The following CA5A variants were observed in gnomAD, a reference collection of about 807,000 sequenced individuals.
The protein encoded by CA5A is carbonic anhydrase 5A, also known as carbonic anhydrase 5A, mitochondrial.
A neutral mutation model predicts 37.1 loss-of-function variants in CA5A; 28 were observed. That is an observed-to-expected ratio of 0.75 (90% CI 0.56 to 1.03). The LOEUF is 1.03. Among genes scored for constraint, CA5A ranks in the 50% least tolerant of loss-of-function variants. CA5A has a pLI of 0.00. For missense variants in CA5A, 444 were observed against 399.9 expected (o/e 1.11, Z -0.94); for synonymous variants, 171 against 158.4 (o/e 1.08, Z -0.60).
chr16:87,917,182 T>G (rs1197478421), intron 2 of CA5A, among the ~76,000 whole-genome samples: 1 of 151,356 alleles, frequency 6.6e-6, no homozygotes, highest in African/African-American at 2.4e-5. Flanking sequence ...ATAACAACAG[T>G]GGCTCCACTG....
chr16:87,912,971 C>A (rs1029341208), intron 2 of CA5A, among the ~76,000 whole-genome samples: 2 of 151,554 alleles, frequency 1.3e-5, no homozygotes, highest in African/African-American at 2.4e-5. Flanking sequence ...GGGGCCTTCG[C>A]CAACAAACCG....
intron 1 of CA5A, among the ~76,000 whole-genome samples, chr16:87,932,086 C>T (rs563044030): frequency 9.2e-5 from 14 of 152,148 alleles, no homozygotes; most frequent in Admixed American, 2.6e-4. Flanking sequence ...TGCACGCCAG[C>T]CTGAGCAACA....
chr16:87,902,342 A>C, intron 4 of CA5A, 83 bp downstream of exon 4: 3 of 795,122 alleles, frequency 3.8e-6, no homozygotes, highest in Non-Finnish European at 6.4e-6. Flanking sequence ...TGACACAGCG[A>C]GTCCTGTCTC....
In CA5A at chr16:87,928,943, A is replaced by AT. The variant is rs552550589; in HGVS notation, c.143-1999dup. On this transcript the variant is annotated intron_variant, in intron 1 of 6. Transcript: ENST00000649794. ...CCGCCACACCTGGCTACTTTTTTGT[A>AT]TTTTTTTCATAGAGACGGGGTTTCA... Among the ~76,000 whole-genome samples, 43 of 147,692 alleles carry AT rather than the reference A, an allele frequency of 2.9e-4. No individual in the cohort carries two copies. In the East Asian group the frequency reaches 3.9e-3, roughly 13 times the overall value.
chr16:87,901,578 C>CTTTCT (rs10650335), intron 5 of CA5A, among the ~76,000 whole-genome samples: 41,122 of 149,154 alleles, frequency 0.28, 5,991 homozygotes, highest in African/African-American at 0.37. Flanking sequence ...ATACTGATTT[C>CTTTCT]TTTCTTTTCT....
At chr16:87,932,414 C>G (rs941947664) in intron 1 of CA5A, among the ~76,000 whole-genome samples, 1 of 152,108 alleles carries the variant, frequency 6.6e-6, no homozygotes, top group African/African-American at 2.4e-5. Context: ...ACGGGCCCAC[C>G]AACAATGAAA....
Position 87,888,265 on chromosome 16 carries a change from G to A in CA5A, c.782C>T (p.Ala261Val), listed in dbSNP as rs1457571520. 14 of 1,612,890 alleles carry A rather than the reference G, an allele frequency of 8.7e-6. No individual in the cohort carries two copies. Among genetic ancestry groups the A allele is most frequent in the Admixed American group, 1.7e-5 (1 of 59,898 alleles). Residue 261 changes from alanine (A) to valine (V), a missense_variant, in exon 7 of 7, where the codon GCA (alanine) becomes GTA (valine). Coordinates refer to ENST00000649794, the MANE Select transcript of CA5A (RefSeq NM_001739.2). ...PVEVAPSQLS[A>V]FRTLLFSALG... ...TGCAGAAAACAGGAGAGTACGAAAT[G>A]CAGAGAGCTGGAATAGAGGGCAGCC...
intron 3 of CA5A, among the ~76,000 whole-genome samples, 170 bp from the exon 4 acceptor site, chr16:87,902,690 A>T (rs947243109): frequency 6.6e-6 from 1 of 151,812 alleles, no homozygotes; most frequent in African/African-American, 2.4e-5. Context: ...GTGGATCACG[A>T]GGTCAGGAGA....
intron 6 of CA5A, among the ~76,000 whole-genome samples, chr16:87,890,832 T>C (rs752611889): frequency 2.0e-5 from 3 of 152,028 alleles, no homozygotes; most frequent in Admixed American, 6.6e-5. Flanking sequence ...TTTGCTCTTG[T>C]TGTCCAGGCT....
intron 3 of CA5A, among the ~76,000 whole-genome samples, chr16:87,903,814 T>C (rs937170820): frequency 3.3e-5 from 5 of 152,284 alleles, no homozygotes; most frequent in South Asian, 2.1e-4. Flanking sequence ...TGTGATAAAG[T>C]GAATATGGCA....
chr16:87,914,532 G>A (rs540041328), intron 2 of CA5A, among the ~76,000 whole-genome samples: 10 of 152,314 alleles, frequency 6.6e-5, no homozygotes, highest in Non-Finnish European at 1.5e-4. Context: ...GGGAGGAGGA[G>A]GAGGCACAGA....
At chr16:87,903,448 T>C (rs969884950) in intron 3 of CA5A, among the ~76,000 whole-genome samples, 2 of 152,024 alleles carry the variant, frequency 1.3e-5, no homozygotes, top group African/African-American at 4.8e-5. Flanking sequence ...CAAAAACAGA[T>C]AAATAAATAA....
intron 6 of CA5A, among the ~76,000 whole-genome samples, chr16:87,890,243 C>G (rs1311726684): frequency 6.6e-6 from 1 of 152,204 alleles, no homozygotes; most frequent in Non-Finnish European, 1.5e-5. Context: ...TACCGCCCCT[C>G]CACACCTGCC....
rs2056472859 is a variant in CA5A, at chr16:87,936,466, A to T, written c.-16T>A. On this transcript the variant is annotated 5_prime_UTR_variant, in exon 1 of 7. Coordinates refer to ENST00000649794, the MANE Select transcript of CA5A (RefSeq NM_001739.2). ...TCCCCAACATCTTGGGTCTGTTCCC[A>T]CTGACTCCAGTCTGAAGAGGGTGAT... is the stretch of plus-strand genomic sequence containing the variant. 5.0e-6 allele frequency: 8 copies of T among 1,613,318 alleles called. No homozygotes were observed. In the East Asian group the frequency reaches 1.8e-4, roughly 36 times the overall value.
chr16:87,926,384 C>A (rs1334891725), intron 2 of CA5A, among the ~76,000 whole-genome samples: 3 of 152,188 alleles, frequency 2.0e-5, no homozygotes, highest in East Asian at 1.9e-4. Context: ...GTCCAGCCAC[C>A]GCTGCCTTCT....
chr16:87,914,898 G>A (rs1455356153), intron 2 of CA5A, among the ~76,000 whole-genome samples: 1 of 152,248 alleles, frequency 6.6e-6, no homozygotes, highest in Non-Finnish European at 1.5e-5. Context: ...CAGGAACAGA[G>A]CTGAGATGAA....
chr16:87,895,437 C>T (rs1281298682), intron 5 of CA5A, among the ~76,000 whole-genome samples: 14 of 151,856 alleles, frequency 9.2e-5, no homozygotes, highest in Admixed American at 6.6e-5. Context: ...CCCAGCTACT[C>T]GGGAGGCTGA....
chr16:87,925,420 T>C (rs1392051000), intron 2 of CA5A: 1 of 152,232 alleles, frequency 6.6e-6, no homozygotes, highest in Non-Finnish European at 1.5e-5. Context: ...ACTGAACCAG[T>C]GTGACGTGTT....
At chr16:87,919,584 ACTCAGAGCC>A (rs1250856741) in intron 2 of CA5A, among the ~76,000 whole-genome samples, 1 of 152,162 alleles carries the variant, frequency 6.6e-6, no homozygotes, top group Non-Finnish European at 1.5e-5. Flanking sequence ...CTGGGGGAGC[ACTCAGAGCC>A]CTGGCAGTCG....
Sources: gnomAD v4.1 joint callset for allele counts (sites outside exome capture counted in the v4.1 genomes callset) on GRCh38, gnomAD v4.1.1 for gene constraint, MANE v1.5 for transcripts, NCBI Gene and HGNC (gene_info 2026-07-23, HGNC 2026-07-21) for gene names.